Variants in PCTP observed in about 807,000 individuals in gnomAD.
The protein encoded by PCTP is phosphatidylcholine transfer protein, also known as START domain-containing protein 2.
A neutral mutation model predicts 31.0 loss-of-function variants in PCTP; 27 were observed. That is an observed-to-expected ratio of 0.87 (90% CI 0.64 to 1.20). The LOEUF is 1.20. PCTP is among the 50% of genes most tolerant of loss of function. The pLI, the probability that PCTP is intolerant of heterozygous loss-of-function variation, is 0.00. For synonymous variants in PCTP, 108 were observed against 101.2 expected (o/e 1.07, Z -0.40); for missense variants, 287 against 268.2 (o/e 1.07, Z -0.49).
chr17:55,751,123 G>A lies in PCTP; in HGVS notation c.20G>A (p.Ser7Asn), dbSNP rs544016681. Residue 7 changes from serine (S) to asparagine (N), a missense_variant, in exon 1 of 6, where the codon AGC (serine) becomes AAC (asparagine). Transcript: ENST00000268896. MELAAG[S>N]FSEEQFWEAC... ...GGAAGGATGGAGCTGGCCGCCGGAA[G>A]CTTCTCGGAGGAGCAGTTCTGGGAG... 1.0e-5 allele frequency: 16 copies of A among 1,542,568 alleles called. No homozygotes were observed. The highest frequency in any genetic ancestry group is 9.6e-5 in the South Asian group (8 of 83,486).
At chr17:55,846,200 A>G (rs1047706946), downstream of PCTP, among the ~76,000 whole-genome samples, 1 of 152,092 alleles carries the variant, frequency 6.6e-6, no homozygotes, top group African/African-American at 2.4e-5. Context: ...CCATCACCCA[A>G]TGCTCTTGAT....
chr17:55,805,020 A>G (rs1009275509), intron 3 of PCTP, among the ~76,000 whole-genome samples: 1 of 152,166 alleles, frequency 6.6e-6, no homozygotes, highest in African/African-American at 2.4e-5. Flanking sequence ...TGCACCCAGT[A>G]AGATCACTTT....
chr17:55,771,841 G>A (rs79436929), intron 3 of PCTP, among the ~76,000 whole-genome samples: 9,425 of 152,104 alleles, frequency 0.062, 291 homozygotes, highest in Admixed American at 0.066. Flanking sequence ...TTTGGGGGTG[G>A]GTAGGATGGA....
chr17:55,794,189 C>T (rs1271899392), intron 3 of PCTP, among the ~76,000 whole-genome samples: 2 of 152,052 alleles, frequency 1.3e-5, no homozygotes, highest in Non-Finnish European at 2.9e-5. Flanking sequence ...AGCTCATTCC[C>T]CTCTTGCTCT....
intron 3 of PCTP, among the ~76,000 whole-genome samples, chr17:55,789,266 A>G (rs1911867226): frequency 6.6e-6 from 1 of 152,162 alleles, no homozygotes; most frequent in South Asian, 2.1e-4. Context: ...TTCCTCTTTG[A>G]AAAATAAAAT....
intron 5 of PCTP, among the ~76,000 whole-genome samples, chr17:55,835,755 G>A (rs1298374876): frequency 1.3e-5 from 2 of 152,170 alleles, no homozygotes; most frequent in African/African-American, 4.8e-5. Flanking sequence ...GTGGCTACCT[G>A]AAGTGCCAGG....
intron 4 of PCTP, 139 bp downstream of exon 4, chr17:55,774,034 T>TC: frequency 9.8e-7 from 1 of 1,017,934 alleles, no homozygotes; most frequent in Non-Finnish European, 1.4e-6. Context: ...CAAACCAGGA[T>TC]CAGCACCTAG....
downstream of PCTP, among the ~76,000 whole-genome samples, chr17:55,847,756 C>T (rs78309934): frequency 0.15 from 22,818 of 152,082 alleles, 1,932 homozygotes; most frequent in East Asian, 0.39. Context: ...AAGAGTTCCC[C>T]CTTGTTCAAG....
intron 2 of PCTP, chr17:55,770,889 T>G (rs1362361237): frequency 2.6e-6 from 1 of 383,536 alleles, no homozygotes; most frequent in Non-Finnish European, 4.7e-6. Flanking sequence ...CTGGCTGATT[T>G]TTTTGCTTTT....
chr17:55,828,401 C>T (rs1292153009), intron 5 of PCTP, among the ~76,000 whole-genome samples: 2 of 152,176 alleles, frequency 1.3e-5, no homozygotes. Context: ...CAGACGTTCC[C>T]GGCTTGTGGC....
downstream of PCTP, among the ~76,000 whole-genome samples, chr17:55,780,993 C>T (rs1911543737): frequency 6.7e-6 from 1 of 148,764 alleles, no homozygotes; most frequent in Non-Finnish European, 1.5e-5. Context: ...AGACTTCTTT[C>T]TTATTTAAGC....
At chr17:55,838,184 T>C (rs1348170114) in intron 5 of PCTP, among the ~76,000 whole-genome samples, 2 of 151,860 alleles carry the variant, frequency 1.3e-5, no homozygotes, top group African/African-American at 2.4e-5. Flanking sequence ...CATATTTCAA[T>C]CCTGTTTAAC....
chr17:55,836,661 T>A (rs567695432), intron 5 of PCTP, among the ~76,000 whole-genome samples: 2 of 152,222 alleles, frequency 1.3e-5, no homozygotes, highest in Non-Finnish European at 2.9e-5. Flanking sequence ...TTTGAATATA[T>A]GTTAGCTTCA....
chr17:55,751,365 G>A lies in PCTP; in HGVS notation c.141+121G>A, dbSNP rs1026471585. On this transcript the variant is annotated intron_variant, in intron 1 of 5. Coordinates refer to ENST00000268896, the MANE Select transcript of PCTP (RefSeq NM_021213.4). ...GGGCGCGTCTTCTCCGGCTCAGGAA[G>A]GAGCTCCGCCCGGACCCTGTCTCAA... 3.3e-6 allele frequency: 5 copies of A among 1,529,796 alleles called. No homozygotes were observed. The African/African-American group carries it at 6.9e-5, about 21-fold the overall frequency. The allele number at this position is 1,529,796 out of a possible 1,614,324, so 94.8% of individuals were successfully genotyped here. A position where few individuals can be genotyped will look rare whatever the true frequency, so the allele number is the denominator to read the frequency against.
At chr17:55,799,836 T>C (rs1004970772) in intron 3 of PCTP, among the ~76,000 whole-genome samples, 1 of 152,166 alleles carries the variant, frequency 6.6e-6, no homozygotes, top group Admixed American at 6.6e-5. Context: ...TTATGAAGCT[T>C]AGTTTGGCTG....
intron 1 of PCTP, among the ~76,000 whole-genome samples, chr17:55,761,071 T>G (rs1475683198): frequency 6.6e-6 from 1 of 152,200 alleles, no homozygotes; most frequent in East Asian, 1.9e-4. Flanking sequence ...GGGGCCAGTG[T>G]GCAAAGACAC....
At chr17:55,802,074 A>T (rs1912403007) in intron 3 of PCTP, among the ~76,000 whole-genome samples, 1 of 152,204 alleles carries the variant, frequency 6.6e-6, no homozygotes, top group Non-Finnish European at 1.5e-5. Context: ...ACCATTACAG[A>T]ATACTATAAA....
intron 3 of PCTP, among the ~76,000 whole-genome samples, chr17:55,821,397 T>C (rs1227790208): frequency 1.3e-5 from 2 of 152,196 alleles, no homozygotes; most frequent in Non-Finnish European, 2.9e-5. Flanking sequence ...CTAATGGATA[T>C]GGAGCTTCTT....
chr17:55,801,672 C>A (rs1441137758), intron 3 of PCTP, among the ~76,000 whole-genome samples: 2 of 152,082 alleles, frequency 1.3e-5, no homozygotes, highest in African/African-American at 4.8e-5. Flanking sequence ...CCAATGAGAA[C>A]AAAGACACAA....
Sources: gnomAD v4.1 joint callset for allele counts (sites outside exome capture counted in the v4.1 genomes callset) on GRCh38, gnomAD v4.1.1 for gene constraint, MANE v1.5 for transcripts, NCBI Gene and HGNC (gene_info 2026-07-23, HGNC 2026-07-21) for gene names.